Variants in DLG2 observed in about 807,000 individuals in gnomAD.
DLG2 encodes discs large MAGUK scaffold protein 2, also known as disks large homolog 2.
DLG2 carries 45 observed loss-of-function variants against 132.5 expected under a neutral mutation model. The observed-to-expected ratio is 0.34, with a 90% CI of 0.27 to 0.44. The LOEUF is 0.44. DLG2 is among the 20% of genes least tolerant of loss of function. The pLI is 1.00. For synonymous variants in DLG2, 424 were observed against 419.6 expected, an observed-to-expected ratio of 1.01 and a Z score of -0.13; for missense variants, 1,045 against 1,196.9, an observed-to-expected ratio of 0.87 and a Z score of 1.87.
At chr11:85,375,781 G>A (rs2152923611) in intron 3 of DLG2, among the ~76,000 whole-genome samples, 1 of 152,284 alleles carries the variant, frequency 6.6e-6, no homozygotes, top group East Asian at 1.9e-4. Context: ...CTGTGCTCTT[G>A]TAAAGCAAGA....
At chr11:84,070,361 C>G (rs2096738004) in intron 10 of DLG2, among the ~76,000 whole-genome samples, 1 of 152,130 alleles carries the variant, frequency 6.6e-6, no homozygotes, top group Non-Finnish European at 1.5e-5. Context: ...ACTCCATAGC[C>G]CATGAAATGT....
intron 3 of DLG2, among the ~76,000 whole-genome samples, chr11:85,439,173 G>A (rs1302021508): frequency 6.6e-6 from 1 of 152,038 alleles, no homozygotes; most frequent in Non-Finnish European, 1.5e-5. Context: ...TGACCATATG[G>A]TAATTGCATG....
chr11:84,237,384 A>T (rs4354715), intron 8 of DLG2, among the ~76,000 whole-genome samples: 1 of 151,974 alleles, frequency 6.6e-6, no homozygotes, highest in Non-Finnish European at 1.5e-5. Context: ...TACTGATTAT[A>T]ATGCGCTATT....
intron 7 of DLG2, among the ~76,000 whole-genome samples, chr11:84,268,460 CTTTTT>C (rs145806678): frequency 5.9e-5 from 7 of 119,234 alleles, no homozygotes; most frequent in Non-Finnish European, 1.0e-4. Context: ...TACTTCACCT[CTTTTT>C]TTTTTTTTTT....
intron 11 of DLG2, among the ~76,000 whole-genome samples, chr11:84,054,809 C>T (rs79423752): frequency 0.018 from 2,752 of 152,150 alleles, 79 homozygotes; most frequent in South Asian, 0.064. Context: ...GTTTTACCTA[C>T]AGCATACAAA....
chr11:83,925,793 A>G (rs1390377764), intron 15 of DLG2, among the ~76,000 whole-genome samples: 2 of 152,162 alleles, frequency 1.3e-5, no homozygotes, highest in Non-Finnish European at 2.9e-5. Flanking sequence ...TATGCCATAA[A>G]TATTGATAAA....
chr11:85,609,755 G>T (rs1208775348), intron 2 of DLG2, among the ~76,000 whole-genome samples: 2 of 152,142 alleles, frequency 1.3e-5, no homozygotes, highest in African/African-American at 4.8e-5. Flanking sequence ...ACCATTGAGG[G>T]CCAGGAAATT....
intron 6 of DLG2, among the ~76,000 whole-genome samples, chr11:85,103,932 G>A (rs1346748761): frequency 1.3e-5 from 2 of 151,666 alleles, no homozygotes; most frequent in African/African-American, 2.4e-5. Context: ...TTAACAAGAA[G>A]ATAAACGGTA....
chr11:83,999,853 A>T (rs1185018818), intron 11 of DLG2, among the ~76,000 whole-genome samples: 1 of 152,168 alleles, frequency 6.6e-6, no homozygotes, highest in East Asian at 1.9e-4. Flanking sequence ...CCATAGATAC[A>T]TCTTCAGGAA....
chr11:84,347,239 C>T (rs1004216324), intron 7 of DLG2, among the ~76,000 whole-genome samples: 2 of 152,124 alleles, frequency 1.3e-5, no homozygotes, highest in African/African-American at 4.8e-5. Flanking sequence ...AAGGCTAGAG[C>T]AAATGACTTC....
intron 6 of DLG2, among the ~76,000 whole-genome samples, chr11:84,928,992 A>G (rs1192156987): frequency 0.016 from 1,670 of 106,672 alleles, 12 homozygotes; most frequent in East Asian, 0.036. Context: ...GTATATATAT[A>G]TATATATATA....
At chr11:83,577,089 A>T (rs780237318) in intron 19 of DLG2, among the ~76,000 whole-genome samples, 24 of 152,126 alleles carry the variant, frequency 1.6e-4, no homozygotes, top group Non-Finnish European at 5.9e-5. Flanking sequence ...ATCAGCTGCC[A>T]GCGAATATAA....
intron 18 of DLG2, among the ~76,000 whole-genome samples, chr11:83,636,729 T>C (rs1439528520): frequency 1.3e-5 from 2 of 152,184 alleles, no homozygotes; most frequent in Non-Finnish European, 2.9e-5. Context: ...ATAAATTATA[T>C]TTGCCTTACA....
intron 10 of DLG2, among the ~76,000 whole-genome samples, chr11:84,095,942 A>C (rs1013676224): frequency 6.6e-6 from 1 of 152,144 alleles, no homozygotes; most frequent in Non-Finnish European, 1.5e-5. Flanking sequence ...CAAAATAAAG[A>C]CCAATGGGTA....
chr11:83,781,349 T>C (rs143067384), intron 18 of DLG2, among the ~76,000 whole-genome samples: 5 of 152,268 alleles, frequency 3.3e-5, no homozygotes, highest in Admixed American at 1.3e-4. Flanking sequence ...CCTTATAACA[T>C]GGACTGAGGC....
intron 6 of DLG2, among the ~76,000 whole-genome samples, chr11:84,714,605 TTCTCTTTCTCTTTCTCTTTCTC>T (rs1565750018): frequency 0.13 from 12,372 of 93,726 alleles, 789 homozygotes; most frequent in Admixed American, 0.17. Context: ...TTCTTTCTCT[TTCTCTTTCTCTTTCTCTTTCTC>T]TCTCTCTCTC....
At chr11:84,743,793 T>C (rs1033192470) in intron 6 of DLG2, among the ~76,000 whole-genome samples, 1 of 152,078 alleles carries the variant, frequency 6.6e-6, no homozygotes, top group African/African-American at 2.4e-5. Context: ...GGCACGATCT[T>C]GGCTCACTGC....
At chr11:83,484,471 G>C (rs1209708235) in intron 21 of DLG2, among the ~76,000 whole-genome samples, 3 of 151,058 alleles carry the variant, frequency 2.0e-5, no homozygotes, top group African/African-American at 7.3e-5. Flanking sequence ...AATGGTGATG[G>C]AGGGAAAGAG....
intron 14 of DLG2, among the ~76,000 whole-genome samples, chr11:83,956,965 A>T (rs565013766): frequency 6.6e-6 from 1 of 152,362 alleles, no homozygotes; most frequent in African/African-American, 2.4e-5. Flanking sequence ...GGGATTACTA[A>T]TATCTTCAGA....
Sources: allele counts gnomAD v4.1 joint callset (sites outside exome capture counted in the v4.1 genomes callset), GRCh38; gene constraint gnomAD v4.1.1; transcripts MANE v1.5; gene names NCBI Gene and HGNC (gene_info 2026-07-23, HGNC 2026-07-21).